ZCWPW2: variants seen among roughly 807,000 people sequenced by gnomAD.
ZCWPW2 encodes the protein zinc finger CW-type PWWP domain protein 2.
A neutral mutation model predicts 46.6 loss-of-function variants in ZCWPW2; 45 were observed. That is an observed-to-expected ratio of 0.96 (90% CI 0.76 to 1.24). ZCWPW2 has a LOEUF of 1.24. Among genes scored for constraint, ZCWPW2 ranks in the 50% most tolerant of loss-of-function variants. The pLI is 0.00. For synonymous variants in ZCWPW2, 152 were observed against 137.1 expected (o/e 1.11, Z -0.76); for missense variants, 429 against 403.9 (o/e 1.06, Z -0.53).
At chr3:28,468,590 A>G (rs1220013942) in intron 4 of ZCWPW2, among the ~76,000 whole-genome samples, 1 of 152,162 alleles carries the variant, frequency 6.6e-6, no homozygotes, top group African/African-American at 2.4e-5. Flanking sequence ...CAAATAACAA[A>G]CAATGGTACT....
intron 1 of ZCWPW2, among the ~76,000 whole-genome samples, chr3:28,372,862 G>A (rs903237232): frequency 2.6e-5 from 4 of 152,240 alleles, no homozygotes; most frequent in East Asian, 3.9e-4. Context: ...ACTTACAAGC[G>A]AGAACTTGTG....
chr3:28,506,310 G>A (rs1559533088), intron 6 of ZCWPW2, among the ~76,000 whole-genome samples: 1 of 151,802 alleles, frequency 6.6e-6, no homozygotes, highest in Non-Finnish European at 1.5e-5. Context: ...GTCATCTAAG[G>A]AGCTTATTTA....
intron 2 of ZCWPW2, among the ~76,000 whole-genome samples, chr3:28,401,018 A>G (rs1367416696): frequency 6.6e-6 from 1 of 152,042 alleles, no homozygotes; most frequent in Non-Finnish European, 1.5e-5. Flanking sequence ...TCTCTACTAA[A>G]AATACAAAAA....
chr3:28,442,304 G>C (rs571564738), intron 4 of ZCWPW2, among the ~76,000 whole-genome samples: 2 of 152,168 alleles, frequency 1.3e-5, no homozygotes, highest in Admixed American at 6.5e-5. Flanking sequence ...CACACCGCTG[G>C]ACTCCTAGAA....
At chr3:28,395,356 C>T (rs188841126) in intron 2 of ZCWPW2, among the ~76,000 whole-genome samples, 83 of 152,082 alleles carry the variant, frequency 5.5e-4, no homozygotes, top group Non-Finnish European at 8.4e-4. Flanking sequence ...GGAGTTTCCC[C>T]AAAAAGTTAA....
At chr3:28,451,047 A>G (rs1348254947) in intron 4 of ZCWPW2, among the ~76,000 whole-genome samples, 5 of 152,150 alleles carry the variant, frequency 3.3e-5, no homozygotes, top group African/African-American at 4.8e-5. Context: ...AATATCATCC[A>G]GAGTTCTTTC....
In ZCWPW2 at chr3:28,407,232, C is replaced by T. The variant is rs563202765; in HGVS notation, c.-13-5824C>T. Among the ~76,000 whole-genome samples the T allele has an allele frequency of 2.0e-5, 3 of 152,218 alleles. No individual in the cohort carries two copies. The South Asian group carries it at 6.2e-4, about 32-fold the overall frequency. On this transcript the variant is annotated intron_variant, in intron 2 of 9. Coordinates refer to ENST00000383768, the MANE Select transcript of ZCWPW2 (RefSeq NM_001040432.4). ...GCTGCTCCCTGCATCCTTCATGGAG[C>T]CCTCTTATTTTAAGAAAATTATTTT...
In ZCWPW2 at chr3:28,413,284, A is replaced by T. The variant is rs762828049; in HGVS notation, c.216A>T (p.Ser72=). 8 of 1,613,178 alleles carry T rather than the reference A, an allele frequency of 5.0e-6. No individual in the cohort carries two copies. In the Admixed American group the frequency reaches 1.3e-4, roughly 27 times the overall value. ...CTGATTCAAGATATAATAACTGCTC[A>T]ATTTCTGAAGAAGACTTCCCTGAAG... ...MNTDSRYNNC[S]ISEEDFPEES... is the part of the protein sequence containing the mutation. Residue 72 remains serine (S), a synonymous_variant, in exon 3 of 10, where the codon TCA becomes TCT. Transcript: ENST00000383768.
Position 28,413,075 on chromosome 3 carries a change from A to T in ZCWPW2, c.7A>T (p.Lys3Ter), listed in dbSNP as rs1449134040. 1 of 1,607,224 alleles carries T rather than the reference A, an allele frequency of 6.2e-7. No homozygotes were observed. Among genetic ancestry groups the T allele is most frequent in the Non-Finnish European group, 8.5e-7 (1 of 1,176,136 alleles). Reference sequence around the variant, plus strand: ...TTCCAGATTAAATGCCTTAATGGATAAAGAAAAATTGGATGTTAAGATTGA... The same window carrying T: ...TTCCAGATTAAATGCCTTAATGGATTAAGAAAAATTGGATGTTAAGATTGA... MD[K>*]EKLDVKIEYC... The change falls in exon 3 of 10, where the codon AAA becomes TAA. Residue 3 changes from lysine (K) to a stop codon, truncating the protein, a stop_gained. Transcript: ENST00000383768. LOFTEE classifies it high-confidence loss of function.
chr3:28,413,793 C>T (rs1696511268), intron 3 of ZCWPW2, among the ~76,000 whole-genome samples: 1 of 151,948 alleles, frequency 6.6e-6, no homozygotes, highest in Non-Finnish European at 1.5e-5. Flanking sequence ...TTTAATGTGT[C>T]TTATTGCATT....
At chr3:28,362,513 CCA>C (rs1245242508) in intron 1 of ZCWPW2, among the ~76,000 whole-genome samples, 1 of 152,082 alleles carries the variant, frequency 6.6e-6, no homozygotes, top group East Asian at 1.9e-4. Context: ...CATATCAAAT[CCA>C]CAATGAGATA....
intron 1 of ZCWPW2, among the ~76,000 whole-genome samples, chr3:28,383,241 A>G (rs1007195150): frequency 6.6e-6 from 1 of 152,150 alleles, no homozygotes; most frequent in Non-Finnish European, 1.5e-5. Context: ...TTAGGATGAA[A>G]GAACCTATGC....
chr3:28,525,456 C>A lies in ZCWPW2; in HGVS notation c.*768C>A, dbSNP rs1575240831. On this transcript the variant is annotated 3_prime_UTR_variant, in exon 10 of 10. Transcript: ENST00000383768. ...TCTCATGAACAGTTTTAGTAGATAT[C>A]CTTCTAGATATGTGTGGGCATTCAC... 2.3e-5 allele frequency among the ~76,000 whole-genome samples: 1 copy of A among 44,360 alleles called. No individual in the cohort carries two copies. Among genetic ancestry groups the A allele is most frequent in the South Asian group, 7.3e-4 (1 of 1,374 alleles). 29.1% of individuals were successfully genotyped at this position (44,360 alleles called of 152,430 possible).
chr3:28,359,251 A>G (rs1704848834), intron 1 of ZCWPW2, among the ~76,000 whole-genome samples: 1 of 152,150 alleles, frequency 6.6e-6, no homozygotes, highest in South Asian at 2.1e-4. Context: ...TATTTGTAGC[A>G]TTTACATTTG....
chr3:28,511,589 A>T (rs925646917), intron 6 of ZCWPW2, among the ~76,000 whole-genome samples: 1 of 152,116 alleles, frequency 6.6e-6, no homozygotes, highest in African/African-American at 2.4e-5. Context: ...AACATGCTTA[A>T]TGGGTTTAAC....
intron 1 of ZCWPW2, among the ~76,000 whole-genome samples, chr3:28,383,669 T>C (rs1695176217): frequency 6.6e-6 from 1 of 152,038 alleles, no homozygotes; most frequent in Non-Finnish European, 1.5e-5. Context: ...ATTCTAAATA[T>C]TGGGATGTTA....
At chr3:28,361,055 T>G (rs1156927178) in intron 1 of ZCWPW2, among the ~76,000 whole-genome samples, 2 of 152,170 alleles carry the variant, frequency 1.3e-5, no homozygotes, top group Non-Finnish European at 2.9e-5. Flanking sequence ...GGTCCCATCC[T>G]CAAGATGTAT....
In ZCWPW2 at chr3:28,478,809, T is replaced by C. The variant is rs771220519; in HGVS notation, c.493-5T>C. On this transcript the variant is annotated splice_polypyrimidine_tract_variant and splice_region_variant and intron_variant, in intron 4 of 9. Coordinates refer to ENST00000383768, the MANE Select transcript of ZCWPW2 (RefSeq NM_001040432.4). ...AATTTTTTTCTTTTTTCTGTATTTA[T>C]ATAGCCAGAAAAGTGTAAGAATAAA... 4 of 1,483,492 alleles carry C rather than the reference T, an allele frequency of 2.7e-6. No individual in the cohort carries two copies. The South Asian group carries it at 5.8e-5, about 21-fold the overall frequency. The allele number at this position is 1,483,492 out of a possible 1,614,324, so 91.9% of individuals were successfully genotyped here. A position where few individuals can be genotyped will look rare whatever the true frequency, so the allele number is the denominator to read the frequency against.
chr3:28,391,133 C>T (rs1286721753), intron 2 of ZCWPW2, among the ~76,000 whole-genome samples: 1 of 152,156 alleles, frequency 6.6e-6, no homozygotes, highest in East Asian at 1.9e-4. Context: ...ATAGAATAAA[C>T]TTGAAGCCCA....
Sources: gnomAD v4.1 joint callset for allele counts (sites outside exome capture counted in the v4.1 genomes callset) on GRCh38, gnomAD v4.1.1 for gene constraint, MANE v1.5 for transcripts, NCBI Gene and HGNC (gene_info 2026-07-23, HGNC 2026-07-21) for gene names.